VIT: variants seen among roughly 807,000 people sequenced by gnomAD.
VIT encodes the protein vitrin.
A neutral mutation model predicts 78.0 loss-of-function variants in VIT; 99 were observed. That is an observed-to-expected ratio of 1.27 (90% CI 1.08 to 1.50). The LOEUF (loss-of-function observed/expected upper bound fraction) is 1.50, where lower values mean the gene tolerates loss of function less well. Ranked by LOEUF, VIT falls within the 40% of genes most tolerant of loss-of-function variation. The pLI is 0.00. For synonymous variants in VIT, 374 were observed against 334.3 expected (o/e 1.12, Z -1.29); for missense variants, 1,126 against 875.3 (o/e 1.29, Z -3.61).
At chr2:36,735,061 G>C (rs1667431579) in intron 3 of VIT, among the ~76,000 whole-genome samples, 2 of 152,118 alleles carry the variant, frequency 1.3e-5, no homozygotes, top group African/African-American at 4.8e-5. Context: ...CTACTTGGGA[G>C]GCTGAGGCAG....
At chr2:36,775,166 G>A in intron 9 of VIT, 99 bp downstream of exon 9, 1 of 1,380,050 alleles carries the variant, frequency 7.2e-7, no homozygotes, top group East Asian at 2.3e-5. Context: ...CTTGGCCTCT[G>A]CAGCTCAACT....
At chr2:36,741,794 A>AC (rs1667852479) in intron 3 of VIT, among the ~76,000 whole-genome samples, 1 of 151,772 alleles carries the variant, frequency 6.6e-6, no homozygotes, top group Non-Finnish European at 1.5e-5. Flanking sequence ...TTCTACCAAC[A>AC]CCCCACTCAC....
chr2:36,761,186 G>A (rs539933297), intron 6 of VIT, among the ~76,000 whole-genome samples: 1 of 152,188 alleles, frequency 6.6e-6, no homozygotes, highest in Admixed American at 6.5e-5. Flanking sequence ...TGCCCTCCTG[G>A]CAGGTCCCCA....
At chr2:36,709,586 A>T (rs926018189) in intron 1 of VIT, among the ~76,000 whole-genome samples, 31 of 152,180 alleles carry the variant, frequency 2.0e-4, no homozygotes, top group African/African-American at 7.5e-4. Context: ...ATGAAAGAAG[A>T]TGAATTTTGG....
At chr2:36,706,253 T>A (rs1409040737) in intron 1 of VIT, among the ~76,000 whole-genome samples, 1 of 152,212 alleles carries the variant, frequency 6.6e-6, no homozygotes. Flanking sequence ...GACAAGCACA[T>A]GTGTCCTTTT....
intron 14 of VIT, 108 bp downstream of exon 14, chr2:36,805,772 A>G (rs1479808722): frequency 4.1e-6 from 5 of 1,227,986 alleles, no homozygotes. Flanking sequence ...CATGAAGCTC[A>G]TCTCTAGGCA....
intron 2 of VIT, among the ~76,000 whole-genome samples, chr2:36,727,883 T>C (rs1407115229): frequency 6.6e-6 from 1 of 152,228 alleles, no homozygotes. Context: ...TACATAATAC[T>C]TGATAATGAT....
intron 4 of VIT, among the ~76,000 whole-genome samples, chr2:36,745,187 T>C (rs1453735465): frequency 1.3e-5 from 2 of 152,118 alleles, no homozygotes; most frequent in African/African-American, 4.8e-5. Flanking sequence ...GTCCGGTTTT[T>C]GTACTGACAC....
chr2:36,697,651 T>C (rs567661790), intron 1 of VIT, among the ~76,000 whole-genome samples: 1 of 152,328 alleles, frequency 6.6e-6, no homozygotes, highest in East Asian at 1.9e-4. Context: ...ATGATTTGTG[T>C]CCAACTAGTA....
intron 10 of VIT, among the ~76,000 whole-genome samples, chr2:36,782,109 T>G (rs1229127895): frequency 6.6e-6 from 1 of 152,210 alleles, no homozygotes; most frequent in African/African-American, 2.4e-5. Flanking sequence ...CTTCCTCCTT[T>G]GCAAAATGGC....
chr2:36,797,570 A>G (rs12987048), intron 12 of VIT, among the ~76,000 whole-genome samples: 98,870 of 151,938 alleles, frequency 0.65, 32,945 homozygotes, highest in East Asian at 0.99. Flanking sequence ...GAAGATAAAC[A>G]ACTTCAGGTT....
At position 36,805,439 on chromosome 2, in the gene VIT, T is replaced by G. The variant is rs761482553; in HGVS notation, c.1164T>G (p.Gly388=). 5.6e-6 allele frequency: 9 copies of G among 1,602,232 alleles called. No homozygotes were observed. Among genetic ancestry groups the G allele is most frequent in the Admixed American group, 5.2e-5 (3 of 58,024 alleles). Reference sequence around the variant, plus strand: ...GCATGAATTTTCTTTTTCTTCCAGGTCGGGCCATCTCCTTTGTGACCAAGA... The same window carrying G: ...GCATGAATTTTCTTTTTCTTCCAGGGCGGGCCATCTCCTTTGTGACCAAGA... ...ITQRGGLSNV[G]RAISFVTKNF... is the part of the protein sequence containing the mutation. Residue 388 remains glycine (G), a splice_region_variant and synonymous_variant, in exon 14 of 16, where the codon GGT becomes GGG. Coordinates refer to ENST00000379242, the MANE Select transcript of VIT (RefSeq NM_053276.4).
At chr2:36,791,931 G>T (rs1665530415) in intron 12 of VIT, among the ~76,000 whole-genome samples, 1 of 151,912 alleles carries the variant, frequency 6.6e-6, no homozygotes, top group Non-Finnish European at 1.5e-5. Flanking sequence ...CTCTGAGTCT[G>T]CAGCCAAAAA....
At chr2:36,784,675 A>T (rs1664975614) in intron 11 of VIT, among the ~76,000 whole-genome samples, 1 of 152,262 alleles carries the variant, frequency 6.6e-6, no homozygotes, top group African/African-American at 2.4e-5. Context: ...ACATTGATAG[A>T]GTGATTCCCA....
intron 3 of VIT, among the ~76,000 whole-genome samples, chr2:36,733,836 G>A (rs181696873): frequency 6.6e-6 from 1 of 152,164 alleles, no homozygotes; most frequent in Non-Finnish European, 1.5e-5. Flanking sequence ...ACAGGGTGGT[G>A]GGGGGCAGTG....
At chr2:36,805,114 G>T (rs1666611113) in intron 13 of VIT, among the ~76,000 whole-genome samples, 1 of 151,944 alleles carries the variant, frequency 6.6e-6, no homozygotes, top group Non-Finnish European at 1.5e-5. Context: ...ACCAGCCTAG[G>T]CAGCATGGCA....
intron 7 of VIT, among the ~76,000 whole-genome samples, chr2:36,770,205 A>G (rs1396492054): frequency 2.6e-5 from 4 of 152,224 alleles, no homozygotes; most frequent in Non-Finnish European, 2.9e-5. Context: ...TCTGGGCTAC[A>G]TCGATGAACA....
At chr2:36,802,623 A>G (rs902313501) in intron 13 of VIT, among the ~76,000 whole-genome samples, 1 of 152,236 alleles carries the variant, frequency 6.6e-6, no homozygotes, top group Non-Finnish European at 1.5e-5. Flanking sequence ...CACATGACAG[A>G]GTTGATTTCT....
chr2:36,701,085 C>A (rs1446491842), intron 1 of VIT, among the ~76,000 whole-genome samples: 1 of 135,640 alleles, frequency 7.4e-6, no homozygotes, highest in Non-Finnish European at 1.6e-5. Context: ...ACATAATTAT[C>A]AAGCCAAGTG....
Sources: allele counts gnomAD v4.1 joint callset (sites outside exome capture counted in the v4.1 genomes callset), GRCh38; gene constraint gnomAD v4.1.1; transcripts MANE v1.5; gene names NCBI Gene and HGNC (gene_info 2026-07-23, HGNC 2026-07-21).